PRKCH: variants seen among roughly 807,000 people sequenced by gnomAD.
The protein encoded by PRKCH is protein kinase C eta.
A neutral mutation model predicts 82.5 loss-of-function variants in PRKCH; 28 were observed. The observed-to-expected ratio is 0.34, with a 90% CI of 0.25 to 0.47. The LOEUF is 0.47. Among genes scored for constraint, PRKCH ranks in the 20% least tolerant of loss-of-function variants. PRKCH has a pLI of 1.00. For synonymous variants in PRKCH, 322 were observed against 327.4 expected (o/e 0.98, Z 0.18); for missense variants, 705 against 881.8 (o/e 0.80, Z 2.54).
intron 1 of PRKCH, among the ~76,000 whole-genome samples, chr14:61,237,447 T>C (rs1566790337): frequency 1.3e-5 from 2 of 152,244 alleles, no homozygotes; most frequent in Non-Finnish European, 2.9e-5. Context: ...GTCTTCATCC[T>C]GATCGAGGAG....
intron 1 of PRKCH, chr14:61,281,166 G>A: frequency 7.6e-7 from 1 of 1,307,790 alleles, no homozygotes; most frequent in Non-Finnish European, 9.7e-7. Context: ...CGCGGGGACC[G>A]ACGCGCGGGC....
In PRKCH at chr14:61,402,844, TTTTAA is replaced by T. The variant is rs966503782; in HGVS notation, c.427+11559_427+11563del. ...AAAGAAAGAATCTAGCTGTCTTTTTTTTTAATTAATTAATTAATTTATTTATTTTA... is the reference window on the plus strand; with the variant it reads ...AAAGAAAGAATCTAGCTGTCTTTTTTTTAATTAATTAATTTATTTATTTTA... On this transcript the variant is annotated intron_variant, in intron 2 of 13. Coordinates refer to ENST00000332981, the MANE Select transcript of PRKCH (RefSeq NM_006255.5). 8.6e-5 allele frequency among the ~76,000 whole-genome samples: 13 copies of T among 151,360 alleles called. No homozygotes were observed. In the East Asian group the frequency reaches 2.3e-3, roughly 27 times the overall value.
chr14:61,309,412 G>A (rs1259004090), intron 1 of PRKCH, among the ~76,000 whole-genome samples: 2 of 152,232 alleles, frequency 1.3e-5, no homozygotes, highest in Non-Finnish European at 2.9e-5. Flanking sequence ...AGGCAGGAAG[G>A]ATAAAGCAAA....
chr14:61,192,908 C>G (rs1267481139), intron 1 of PRKCH, among the ~76,000 whole-genome samples: 3 of 152,228 alleles, frequency 2.0e-5, no homozygotes, highest in Non-Finnish European at 4.4e-5. Flanking sequence ...CACTTCTAAA[C>G]TGGGATGTGA....
intron 6 of PRKCH, among the ~76,000 whole-genome samples, chr14:61,451,735 T>C (rs1295302915): frequency 2.0e-5 from 3 of 152,156 alleles, no homozygotes; most frequent in Non-Finnish European, 4.4e-5. Flanking sequence ...GAAGCCTTTC[T>C]TATCAGACAC....
chr14:61,302,303 A>G (rs1041737048), intron 1 of PRKCH, among the ~76,000 whole-genome samples: 16 of 152,306 alleles, frequency 1.1e-4, no homozygotes, highest in Admixed American at 9.2e-4. Context: ...AGAGGGGTCC[A>G]CTTCAGTTGT....
chr14:61,214,945 G>A (rs1465337317), intron 1 of PRKCH, among the ~76,000 whole-genome samples: 1 of 152,208 alleles, frequency 6.6e-6, no homozygotes, highest in African/African-American at 2.4e-5. Context: ...AGAAAGGAAA[G>A]CATTTATATC....
At chr14:61,473,737 A>G (rs1885606005) in intron 9 of PRKCH, among the ~76,000 whole-genome samples, 1 of 152,208 alleles carries the variant, frequency 6.6e-6, no homozygotes, top group Non-Finnish European at 1.5e-5. Context: ...TCACACCTGT[A>G]ATCCCAGCAC....
At chr14:61,250,336 A>T (rs7142726) in intron 1 of PRKCH, among the ~76,000 whole-genome samples, 108,685 of 151,784 alleles carry the variant, frequency 0.72, 39,638 homozygotes, top group Non-Finnish European at 0.78. Context: ...ACTTGGGACA[A>T]TGAAGATGCC....
In PRKCH at chr14:61,476,626, G is replaced by A. The variant is rs1160278816; in HGVS notation, c.1279-8876G>A. On this transcript the variant is annotated intron_variant, in intron 9 of 13. Transcript: ENST00000332981. ...AGCCTTGTCAGGTTTCATTATGAGA[G>A]ATGGCTATAATGCATCCAGATTACT... The A allele has an allele frequency of 2.0e-5, 3 of 152,328 alleles. No individual in the cohort carries two copies. In the East Asian group the frequency reaches 5.8e-4, roughly 29 times the overall value. The allele number at this position is 152,328 out of a possible 1,614,324, so 9.4% of individuals were successfully genotyped here. A position where few individuals can be genotyped will look rare whatever the true frequency, so the allele number is the denominator to read the frequency against.
At chr14:61,530,011 C>G (rs866436232) in intron 11 of PRKCH, among the ~76,000 whole-genome samples, 2 of 152,238 alleles carry the variant, frequency 1.3e-5, no homozygotes, top group Non-Finnish European at 2.9e-5. Flanking sequence ...TCCTTTTTGT[C>G]TCTACTTAGT....
At chr14:61,324,938 G>C (rs535164477) in intron 1 of PRKCH, among the ~76,000 whole-genome samples, 2 of 152,076 alleles carry the variant, frequency 1.3e-5, no homozygotes, top group Non-Finnish European at 1.5e-5. Context: ...GAAGTTGCAG[G>C]TTCAAAAAAC....
intron 1 of PRKCH, among the ~76,000 whole-genome samples, chr14:61,385,927 A>G (rs542299416): frequency 6.6e-6 from 1 of 152,308 alleles, no homozygotes; most frequent in Admixed American, 6.5e-5. Context: ...AGGTCCCCCT[A>G]TACAGGTGGG....
chr14:61,377,586 C>T (rs1413470353), intron 1 of PRKCH, among the ~76,000 whole-genome samples: 3 of 152,194 alleles, frequency 2.0e-5, no homozygotes, highest in Non-Finnish European at 4.4e-5. Flanking sequence ...AGGTCTCAAT[C>T]ACAGCTACTC....
At chr14:61,196,635 A>ATTTGTATTTATG (rs1360713809) in intron 1 of PRKCH, among the ~76,000 whole-genome samples, 1 of 152,238 alleles carries the variant, frequency 6.6e-6, no homozygotes, top group Non-Finnish European at 1.5e-5. Context: ...TACAATATCT[A>ATTTGTATTTATG]TACCAAAGAA....
chr14:61,223,923 T>A (rs933958656), intron 1 of PRKCH, among the ~76,000 whole-genome samples: 14 of 152,204 alleles, frequency 9.2e-5, no homozygotes, highest in Non-Finnish European at 1.8e-4. Flanking sequence ...CTATATTTTT[T>A]AAAAATTAAC....
At chr14:61,451,275 G>A (rs1256001382) in intron 6 of PRKCH, among the ~76,000 whole-genome samples, 1 of 151,986 alleles carries the variant, frequency 6.6e-6, no homozygotes, top group Non-Finnish European at 1.5e-5. Flanking sequence ...GAAAAAGATG[G>A]GATCTTAGTC....
In PRKCH at chr14:61,516,058, G is replaced by A. The variant is rs746234888; in HGVS notation, c.1434-13017G>A. 2.7e-4 allele frequency among the ~76,000 whole-genome samples: 41 copies of A among 152,160 alleles called. 1 individual carries two copies. The highest frequency in any genetic ancestry group is 4.4e-4 in the Non-Finnish European group (30 of 68,010). ...AGCTAGTAAAACTAAAACTAAACTC[G>A]GCTAATCAGGCTCTAAAGTCTGTGC... is the stretch of plus-strand genomic sequence containing the variant. On this transcript the variant is annotated intron_variant, in intron 10 of 13. Transcript: ENST00000332981.
chr14:61,431,632 G>A (rs1236569869), intron 2 of PRKCH, among the ~76,000 whole-genome samples: 5 of 152,004 alleles, frequency 3.3e-5, no homozygotes, highest in South Asian at 2.1e-4. Flanking sequence ...CTTAGAGAAG[G>A]GAATGTAATC....
Sources: gnomAD v4.1 joint callset for allele counts (sites outside exome capture counted in the v4.1 genomes callset) on GRCh38, gnomAD v4.1.1 for gene constraint, MANE v1.5 for transcripts, NCBI Gene and HGNC (gene_info 2026-07-23, HGNC 2026-07-21) for gene names.